The following TMIGD3 variants were observed in gnomAD, a reference collection of about 807,000 sequenced individuals.
TMIGD3 encodes transmembrane and immunoglobulin domain containing 3, also known as AD026 protein (AD026).
Under a neutral mutation model 28.1 loss-of-function variants are expected in TMIGD3, and 21 were observed. The ratio of observed to expected loss-of-function variants is 0.75; its 90% CI spans 0.53 to 1.08. TMIGD3 has a LOEUF of 1.08. Among genes scored for constraint, TMIGD3 ranks in the 50% least tolerant of loss-of-function variants. The probability of loss-of-function intolerance (pLI) is 0.00; values close to 1 mark genes in which losing one functional copy is unlikely to be tolerated. For missense variants in TMIGD3, 416 were observed against 435.6 expected (o/e 0.96, Z 0.40); for synonymous variants, 151 against 162.1 (o/e 0.93, Z 0.52).
At chr1:111,543,497 A>G (rs1656922247) in intron 1 of TMIGD3, among the ~76,000 whole-genome samples, 1 of 152,198 alleles carries the variant, frequency 6.6e-6, no homozygotes, top group African/African-American at 2.4e-5. Flanking sequence ...CTCCCAATGG[A>G]GAGTATTCAC....
At chr1:111,517,588 C>T (rs1483594704) in intron 1 of TMIGD3, among the ~76,000 whole-genome samples, 3 of 152,218 alleles carry the variant, frequency 2.0e-5, no homozygotes, top group African/African-American at 7.2e-5. Context: ...CCAGCCCTGC[C>T]ACTTAGTGGC....
chr1:111,500,644 T>A, intron 1 of TMIGD3: 7 of 1,248,142 alleles, frequency 5.6e-6, no homozygotes, highest in Non-Finnish European at 8.0e-6. Context: ...GAGAGAGAGG[T>A]GAGATAAGGC....
chr1:111,542,071 G>T, intron 1 of TMIGD3: 1 of 207,332 alleles, frequency 4.8e-6, no homozygotes, highest in Non-Finnish European at 9.9e-6. Context: ...TTAACTCAGG[G>T]TGGTGCAAAG....
chr1:111,514,939 T>C (rs1010234689), intron 1 of TMIGD3, among the ~76,000 whole-genome samples: 1 of 152,200 alleles, frequency 6.6e-6, no homozygotes, highest in African/African-American at 2.4e-5. Flanking sequence ...AATATTGACA[T>C]TGAGCAAGGT....
Position 111,483,771 on chromosome 1 carries a change from T to C in TMIGD3, c.974-14A>G, listed in dbSNP as rs548060969. 2.4e-4 allele frequency: 386 copies of C among 1,611,490 alleles called. 6 individuals are homozygous for C. The South Asian group carries it at 4.1e-3, about 17-fold the overall frequency. On this transcript the variant is annotated splice_polypyrimidine_tract_variant and intron_variant, in intron 5 of 5. Transcript: ENST00000369716. Reference sequence around the variant, plus strand: ...AAGTGTTGCCTACTTTGTTGGGGAATAGAAAGGGAAAATGGAGTTGAGATC... The same window carrying C: ...AAGTGTTGCCTACTTTGTTGGGGAACAGAAAGGGAAAATGGAGTTGAGATC...
rs567576770 is a variant in TMIGD3 at position 111,485,808 on chromosome 1, G to C, written c.905C>G (p.Thr302Arg). The C allele has an allele frequency of 3.9e-6, 6 of 1,539,496 alleles. No individual in the cohort carries two copies. The highest frequency in any genetic ancestry group is 5.3e-6 in the Non-Finnish European group (6 of 1,136,848). ...GATTACAGAGATGATTCCCAAACCC[G>C]TGATCAGTATGCAAATGATGAGAAT... Reference protein sequence around the residue: ...TSILIICILITGLGIISVISH... With the variant: ...TSILIICILIRGLGIISVISH... The change falls in exon 5 of 6, where the codon ACG becomes AGG. Residue 302 changes from threonine (T) to arginine (R), a missense_variant. By Grantham distance (71) the Thr-to-Arg change is moderately conservative. Coordinates refer to ENST00000369716, the MANE Select transcript of TMIGD3 (RefSeq NM_020683.7).
intron 1 of TMIGD3, among the ~76,000 whole-genome samples, chr1:111,537,757 C>A (rs1250735153): frequency 6.6e-6 from 1 of 152,170 alleles, no homozygotes; most frequent in Non-Finnish European, 1.5e-5. Context: ...AAAGAGCAAT[C>A]TTATTTTACC....
intron 1 of TMIGD3, among the ~76,000 whole-genome samples, chr1:111,493,035 G>C (rs1654738317): frequency 6.6e-6 from 1 of 152,152 alleles, no homozygotes; most frequent in Non-Finnish European, 1.5e-5. Context: ...TGAAAAGTTT[G>C]TAGATGAAAT....
At chr1:111,540,870 G>T (rs1027393826) in intron 1 of TMIGD3, among the ~76,000 whole-genome samples, 1 of 152,168 alleles carries the variant, frequency 6.6e-6, no homozygotes, top group South Asian at 2.1e-4. Flanking sequence ...TGTTTCCAAT[G>T]GTTAAGAGGA....
At chr1:111,506,016 T>A (rs1655475678), upstream of TMIGD3, among the ~76,000 whole-genome samples, 2 of 152,164 alleles carry the variant, frequency 1.3e-5, no homozygotes, top group African/African-American at 4.8e-5. Flanking sequence ...ACACTCTTTG[T>A]CTGGTTTGCA....
chr1:111,485,691 C>G (rs777285576), intron 5 of TMIGD3, 49 bp downstream of exon 5: 1 of 1,410,536 alleles, frequency 7.1e-7, no homozygotes, highest in Admixed American at 1.9e-5. Flanking sequence ...TGACCTCTTT[C>G]ATTTTCTCTA....
chr1:111,509,609 AC>A (rs1458788305), intron 1 of TMIGD3, among the ~76,000 whole-genome samples: 3 of 152,212 alleles, frequency 2.0e-5, no homozygotes, highest in Non-Finnish European at 4.4e-5. Flanking sequence ...TTAACCTGCT[AC>A]CTACCAAATG....
At chr1:111,500,109 C>G (rs1376359674) in intron 1 of TMIGD3, 1 of 1,613,996 alleles carries the variant, frequency 6.2e-7, no homozygotes, top group East Asian at 2.2e-5. Context: ...GCAGGATGCC[C>G]ATGTACAGCA....
intron 1 of TMIGD3, among the ~76,000 whole-genome samples, chr1:111,552,402 C>T (rs113083024): frequency 1.1e-3 from 165 of 152,288 alleles, no homozygotes; most frequent in African/African-American, 3.7e-3. Flanking sequence ...TTCCTGAATA[C>T]GTGTTCCCTG....
intron 5 of TMIGD3, among the ~76,000 whole-genome samples, chr1:111,484,776 A>T (rs1302709560): frequency 6.6e-6 from 1 of 152,236 alleles, no homozygotes; most frequent in Non-Finnish European, 1.5e-5. Context: ...CTACATTTCC[A>T]TACCCAAGGG....
Position 111,488,961 on chromosome 1 carries a change from C to T in TMIGD3, c.521G>A (p.Cys174Tyr). The T allele has an allele frequency of 6.2e-7, 1 of 1,614,172 alleles. No individual in the cohort carries two copies. The highest frequency in any genetic ancestry group is 8.5e-7 in the Non-Finnish European group (1 of 1,180,026). Residue 174 changes from cysteine to tyrosine, a missense_variant, in exon 3 of 6, where the codon TGC becomes TAC. Cys to Tyr is a radical substitution (Grantham distance 194). Coordinates refer to ENST00000369716, the MANE Select transcript of TMIGD3 (RefSeq NM_020683.7). ...SFVLDTASAI[C>Y]NYNAHYKNHP... is the part of the protein sequence containing the mutation. ...ATTCTTGTAGTGGGCATTGTAGTTG[C>T]AGATGGCAGAAGCCGTGTCCAGCAC...
chr1:111,559,524 T>C (rs1657646370), intron 1 of TMIGD3, among the ~76,000 whole-genome samples: 1 of 152,146 alleles, frequency 6.6e-6, no homozygotes, highest in Non-Finnish European at 1.5e-5. Flanking sequence ...GGTAAATCAT[T>C]TTTTCTCACT....
At chr1:111,524,350 A>G (rs1332610165) in intron 1 of TMIGD3, among the ~76,000 whole-genome samples, 1 of 151,602 alleles carries the variant, frequency 6.6e-6, no homozygotes, top group Non-Finnish European at 1.5e-5. Flanking sequence ...TCTTATGGTG[A>G]AAATTGAGGA....
chr1:111,538,301 G>A (rs1485849178), intron 1 of TMIGD3, among the ~76,000 whole-genome samples: 1 of 152,192 alleles, frequency 6.6e-6, no homozygotes, highest in Non-Finnish European at 1.5e-5. Flanking sequence ...TGACCATACA[G>A]GGAAGGGGCA....
Sources: gnomAD v4.1 joint callset for allele counts (sites outside exome capture counted in the v4.1 genomes callset) on GRCh38, gnomAD v4.1.1 for gene constraint, MANE v1.5 for transcripts, NCBI Gene and HGNC (gene_info 2026-07-23, HGNC 2026-07-21) for gene names.